ZBTB7C: variants seen among roughly 807,000 people sequenced by gnomAD.
ZBTB7C encodes the protein zinc finger and BTB domain-containing protein 7C.
A neutral mutation model predicts 25.7 loss-of-function variants in ZBTB7C; 8 were observed. The ratio of observed to expected loss-of-function variants is 0.31; its 90% CI spans 0.18 to 0.56. The LOEUF is 0.56. ZBTB7C is among the 20% of genes least tolerant of loss of function. ZBTB7C has a pLI of 0.91. For missense variants in ZBTB7C, 824 were observed against 855.2 expected (o/e 0.96, Z 0.46); for synonymous variants, 394 against 369.0 (o/e 1.07, Z -0.78).
Position 48,029,499 on chromosome 18 carries a change from C to A in ZBTB7C, c.1621G>T (p.Ala541Ser), listed in dbSNP as rs769538320. 2 of 1,590,970 alleles carry A rather than the reference C, an allele frequency of 1.3e-6. No individual in the cohort carries two copies. The highest frequency in any genetic ancestry group is 1.7e-6 in the Non-Finnish European group (2 of 1,174,402). ...CGCTCCAGCTCTTGCAGGCTCAGGG[C>A]GCCCTTGGGCGCTGCCAGGAAGTGC... ...AKHFLAAPKG[A>S]LSLQELERQF... The change falls in exon 5 of 5, where the codon GCC becomes TCC. Residue 541 changes from alanine (A) to serine (S), a missense_variant. By Grantham distance (99) the Ala-to-Ser change is moderately conservative (BLOSUM62 1). This residue lies in a region of ZBTB7C where 342 missense variants were observed against 307.0 expected (regional missense o/e 1.11). Coordinates refer to ENST00000590800, the MANE Select transcript of ZBTB7C (RefSeq NM_001318841.2).
intron 2 of ZBTB7C, among the ~76,000 whole-genome samples, chr18:48,196,145 C>A (rs1333378886): frequency 6.6e-6 from 1 of 152,170 alleles, no homozygotes; most frequent in African/African-American, 2.4e-5. Context: ...AGAGGGCATC[C>A]AGTGCCCTCC....
At chr18:48,178,097 G>C (rs570134887) in intron 3 of ZBTB7C, among the ~76,000 whole-genome samples, 1 of 152,166 alleles carries the variant, frequency 6.6e-6, no homozygotes, top group African/African-American at 2.4e-5. Flanking sequence ...ACAGCCCTGG[G>C]GTACTGCACT....
In ZBTB7C at chr18:48,339,063, T is replaced by A. The variant is rs1043827930; in HGVS notation, c.-303-665A>T. On this transcript the variant is annotated intron_variant, in intron 1 of 4. Transcript: ENST00000590800. The stretch of plus-strand genomic sequence containing the variant: ...ACCGGCTCCACAGAGCCATCACATT[T>A]CATAGCCAAGATTGTGCCTTATGCT... 3.9e-5 allele frequency among the ~76,000 whole-genome samples: 6 copies of A among 152,234 alleles called. 1 individual carries two copies. In the South Asian group the frequency reaches 1.2e-3, roughly 31 times the overall value.
chr18:48,361,134 C>T (rs564135844), intron 1 of ZBTB7C, among the ~76,000 whole-genome samples: 14 of 152,184 alleles, frequency 9.2e-5, no homozygotes, highest in East Asian at 1.9e-4. Context: ...CCCAGGACTA[C>T]GAACATCTCA....
At position 48,029,238 on chromosome 18, in the gene ZBTB7C, G is replaced by C; in HGVS notation, c.*22C>G. ...GGGAGAAGGACTGGAGGGCTGGTGG[G>C]CTGGAGCCGACAGGGACCAGCCTAG... On this transcript the variant is annotated 3_prime_UTR_variant, in exon 5 of 5. Transcript: ENST00000590800. The C allele has an allele frequency of 6.6e-7, 1 of 1,526,528 alleles. No homozygotes were observed. Among genetic ancestry groups the C allele is most frequent in the African/African-American group, 1.4e-5 (1 of 72,014 alleles). 94.6% of individuals were successfully genotyped at this position (1,526,528 alleles called of 1,614,324 possible). A position where few individuals can be genotyped will look rare whatever the true frequency, so the allele number is the denominator to read the frequency against.
intron 3 of ZBTB7C, chr18:48,180,497 A>G: frequency 2.7e-6 from 1 of 376,130 alleles, no homozygotes. Flanking sequence ...GAGGGAAATG[A>G]AGCAGGCATG....
At chr18:48,194,505 C>T (rs769452189) in intron 2 of ZBTB7C, among the ~76,000 whole-genome samples, 1 of 152,194 alleles carries the variant, frequency 6.6e-6, no homozygotes, top group African/African-American at 2.4e-5. Flanking sequence ...GCAAGGTGAT[C>T]ATGCCCAGTA....
At chr18:48,212,081 G>A (rs979943683) in intron 2 of ZBTB7C, among the ~76,000 whole-genome samples, 5 of 152,188 alleles carry the variant, frequency 3.3e-5, no homozygotes, top group East Asian at 1.9e-4. Context: ...CTGGCCAGGC[G>A]CAGTGGCTCA....
At chr18:48,036,262 A>G (rs978575639) in intron 4 of ZBTB7C, among the ~76,000 whole-genome samples, 2 of 152,168 alleles carry the variant, frequency 1.3e-5, no homozygotes, top group African/African-American at 4.8e-5. Flanking sequence ...CTAGACCCAC[A>G]GAATGACAGC....
chr18:48,047,408 T>C (rs981801842), intron 3 of ZBTB7C, among the ~76,000 whole-genome samples: 9 of 151,600 alleles, frequency 5.9e-5, no homozygotes, highest in South Asian at 2.1e-4. Flanking sequence ...AGGCTTGATG[T>C]GAAGTATGAA....
chr18:48,157,384 C>A (rs1313407552), intron 3 of ZBTB7C, among the ~76,000 whole-genome samples: 1 of 152,096 alleles, frequency 6.6e-6, no homozygotes, highest in Non-Finnish European at 1.5e-5. Context: ...GCTGCCAGAG[C>A]CTGCTAACTG....
chr18:48,064,633 C>A (rs768240525), intron 3 of ZBTB7C, among the ~76,000 whole-genome samples: 9 of 152,324 alleles, frequency 5.9e-5, no homozygotes, highest in Admixed American at 2.0e-4. Flanking sequence ...GTCCCAGCTA[C>A]TTAGGAGGCT....
chr18:48,120,604 G>A (rs750706945), intron 3 of ZBTB7C, among the ~76,000 whole-genome samples: 5 of 151,928 alleles, frequency 3.3e-5, no homozygotes, highest in African/African-American at 9.7e-5. Context: ...GTGAGACTCC[G>A]TCTTAAAAAA....
intron 3 of ZBTB7C, among the ~76,000 whole-genome samples, chr18:48,045,553 C>G (rs1056991465): frequency 6.6e-6 from 1 of 152,222 alleles, no homozygotes. Flanking sequence ...AACACACACC[C>G]TGTTCTCAGC....
At chr18:48,257,788 A>C (rs1328980675) in intron 2 of ZBTB7C, among the ~76,000 whole-genome samples, 4 of 124,250 alleles carry the variant, frequency 3.2e-5, no homozygotes, top group African/African-American at 1.5e-4. Context: ...AACAAGCTGA[A>C]AAAAAAAAAA....
intron 3 of ZBTB7C, among the ~76,000 whole-genome samples, chr18:48,090,051 T>C (rs917026428): frequency 3.3e-5 from 5 of 152,240 alleles, no homozygotes; most frequent in African/African-American, 1.2e-4. Flanking sequence ...TTCCCACCCT[T>C]GGCCAGAGGC....
At chr18:48,193,102 T>G (rs761766938) in intron 2 of ZBTB7C, among the ~76,000 whole-genome samples, 1 of 152,094 alleles carries the variant, frequency 6.6e-6, no homozygotes, top group Non-Finnish European at 1.5e-5. Flanking sequence ...CCTCCCAACT[T>G]GAAGTGCAAC....
intron 3 of ZBTB7C, among the ~76,000 whole-genome samples, chr18:48,132,958 T>A (rs1436045406): frequency 6.6e-6 from 1 of 152,250 alleles, no homozygotes; most frequent in African/African-American, 2.4e-5. Context: ...TACATTTGCA[T>A]CTGGTTTGCA....
intron 2 of ZBTB7C, among the ~76,000 whole-genome samples, chr18:48,309,135 A>T (rs1174304063): frequency 1.3e-5 from 2 of 152,124 alleles, no homozygotes; most frequent in Non-Finnish European, 2.9e-5. Context: ...AATAAAAATC[A>T]CTGGAGCCCC....
Sources: allele counts gnomAD v4.1 joint callset (sites outside exome capture counted in the v4.1 genomes callset), GRCh38; gene constraint gnomAD v4.1.1; regional missense constraint gnomAD v4.1.1; transcripts MANE v1.5; gene names NCBI Gene and HGNC (gene_info 2026-07-23, HGNC 2026-07-21).